PLCB1: variants seen among roughly 807,000 people sequenced by gnomAD.
PLCB1 encodes the protein phospholipase C beta 1.
In PLCB1, 46 loss-of-function variants were observed where a neutral mutation model predicts 161.8. The ratio of observed to expected loss-of-function variants is 0.28; its 90% confidence interval spans 0.22 to 0.36. PLCB1 has a LOEUF of 0.36. Among genes scored for constraint, PLCB1 ranks in the 10% least tolerant of loss-of-function variants. The probability of loss-of-function intolerance (pLI) is 1.00; values close to 1 mark genes in which losing one functional copy is unlikely to be tolerated. For missense variants in PLCB1, 1,016 were observed against 1,472.5 expected (o/e 0.69, Z 5.07); for synonymous variants, 517 against 503.7 (o/e 1.03, Z -0.35).
Position 8,305,752 on chromosome 20 carries a change from ATC to A in PLCB1, c.178-65626_178-65625del, listed in dbSNP as rs565818038. 233 of 152,320 alleles carry A rather than the reference ATC, an allele frequency of 1.5e-3. 1 individual carries two copies. Among genetic ancestry groups the A allele is most frequent in the African/African-American group, 5.5e-3 (229 of 41,572 alleles). 9.4% of individuals were successfully genotyped at this position (152,320 alleles called of 1,614,324 possible). A position where few individuals can be genotyped will look rare whatever the true frequency, so the allele number is the denominator to read the frequency against. On this transcript the variant is annotated intron_variant, in intron 2 of 31. Coordinates refer to ENST00000338037, the MANE Select transcript of PLCB1 (RefSeq NM_015192.4). ...AACCCCTATAAACCTTGCTATTTAT[ATC>A]TCTTCCTCAACTCTGAGGCCCTCAC...
intron 3 of PLCB1, among the ~76,000 whole-genome samples, chr20:8,611,692 G>GA (rs1987909343): frequency 6.6e-6 from 1 of 152,124 alleles, no homozygotes; most frequent in Non-Finnish European, 1.5e-5. Flanking sequence ...GACCGTGCAG[G>GA]AAACATTCAG....
At chr20:8,759,673 T>C (rs1020683553) in intron 24 of PLCB1, among the ~76,000 whole-genome samples, 1 of 151,996 alleles carries the variant, frequency 6.6e-6, no homozygotes, top group African/African-American at 2.4e-5. Flanking sequence ...GCTAATTTTA[T>C]ATTTTTAGTA....
At chr20:8,645,955 C>A in intron 4 of PLCB1, 147 bp from the exon 5 acceptor site, 1 of 545,228 alleles carries the variant, frequency 1.8e-6, no homozygotes, top group Non-Finnish European at 3.3e-6. Context: ...CATTTTTACC[C>A]AAAAAAGGGA....
rs1474063585 is a variant in PLCB1 at position 8,629,876 on chromosome 20, TC to T, written c.384+1446del. Among the ~76,000 whole-genome samples the T allele has an allele frequency of 2.5e-4, 16 of 65,210 alleles. No homozygotes were observed. The South Asian group carries it at 6.5e-3, about 26-fold the overall frequency. 42.8% of individuals were successfully genotyped at this position (65,210 alleles called of 152,430 possible). On this transcript the variant is annotated intron_variant, in intron 4 of 31. Coordinates refer to ENST00000338037, the MANE Select transcript of PLCB1 (RefSeq NM_015192.4). ...TTCTTTCTTTCTTTCTTTCTTTCTTTCTCTCTCTCTTTCTTTTCTTTCTTTC... is the reference window on the plus strand; with the variant it reads ...TTCTTTCTTTCTTTCTTTCTTTCTTTTCTCTCTCTTTCTTTTCTTTCTTTC...
chr20:8,333,657 A>C (rs974224914), intron 2 of PLCB1, among the ~76,000 whole-genome samples: 3 of 152,312 alleles, frequency 2.0e-5, no homozygotes, highest in African/African-American at 7.2e-5. Flanking sequence ...CCTAAAAAGC[A>C]TCTGGCCCAA....
chr20:8,729,250 G>A, intron 18 of PLCB1, 76 bp downstream of exon 18: 1 of 1,323,640 alleles, frequency 7.6e-7, no homozygotes, highest in Non-Finnish European at 1.0e-6. Context: ...ACATAATTGG[G>A]GGAGAGAAAA....
At chr20:8,312,697 C>T (rs902858780) in intron 2 of PLCB1, among the ~76,000 whole-genome samples, 5 of 152,126 alleles carry the variant, frequency 3.3e-5, no homozygotes, top group Admixed American at 2.0e-4. Flanking sequence ...AAAAGGGCAT[C>T]GTTTACACCC....
At chr20:8,264,911 C>A (rs1024752251) in intron 2 of PLCB1, among the ~76,000 whole-genome samples, 25 of 152,266 alleles carry the variant, frequency 1.6e-4, no homozygotes, top group African/African-American at 5.8e-4. Context: ...ATGTAGCAAT[C>A]CATGTAATCT....
intron 2 of PLCB1, among the ~76,000 whole-genome samples, chr20:8,209,651 A>T (rs1020495895): frequency 1.2e-4 from 19 of 152,278 alleles, no homozygotes; most frequent in African/African-American, 4.3e-4. Context: ...ATAATACAGA[A>T]GTATGTGAAA....
intron 3 of PLCB1, among the ~76,000 whole-genome samples, chr20:8,391,203 TG>T (rs572437347): frequency 1.1e-3 from 174 of 151,478 alleles, no homozygotes; most frequent in Non-Finnish European, 1.8e-3. Context: ...TTTATACTTT[TG>T]TAGCTGTGGC....
intron 2 of PLCB1, among the ~76,000 whole-genome samples, chr20:8,259,391 C>T (rs1170692804): frequency 4.6e-5 from 7 of 151,882 alleles, no homozygotes; most frequent in Non-Finnish European, 7.4e-5. Flanking sequence ...CTGAGGTAGG[C>T]GGATCACTTG....
chr20:8,251,134 T>C (rs1326852519), intron 2 of PLCB1, among the ~76,000 whole-genome samples: 2 of 151,926 alleles, frequency 1.3e-5, no homozygotes, highest in African/African-American at 4.8e-5. Flanking sequence ...TTGTCAGAAG[T>C]GCAAAGGGAC....
intron 4 of PLCB1, among the ~76,000 whole-genome samples, chr20:8,642,257 T>G (rs891974149): frequency 1.3e-5 from 2 of 152,206 alleles, no homozygotes; most frequent in Non-Finnish European, 2.9e-5. Context: ...CAGAATTTTT[T>G]CCAAAATTCT....
chr20:8,340,182 C>G (rs1285698231), intron 2 of PLCB1, among the ~76,000 whole-genome samples: 3 of 152,120 alleles, frequency 2.0e-5, no homozygotes, highest in African/African-American at 7.2e-5. Context: ...GAATTCCTGC[C>G]TAGGCCTCTG....
chr20:8,727,456 ATTTGGT>A, intron 17 of PLCB1, 63 bp downstream of exon 17: 1 of 941,762 alleles, frequency 1.1e-6, no homozygotes. Context: ...CTATTTGTTC[ATTTGGT>A]TTTTTAATAA....
chr20:8,776,708 C>G (rs1338773957), intron 27 of PLCB1, among the ~76,000 whole-genome samples: 2 of 152,054 alleles, frequency 1.3e-5, no homozygotes, highest in African/African-American at 2.4e-5. Context: ...TATTAGACAC[C>G]TGCTTGTTAA....
intron 3 of PLCB1, among the ~76,000 whole-genome samples, chr20:8,394,701 A>G (rs1477688691): frequency 1.3e-5 from 2 of 152,196 alleles, no homozygotes; most frequent in African/African-American, 4.8e-5. Flanking sequence ...ACTATAGGCC[A>G]TTAGTGCATA....
intron 9 of PLCB1, among the ~76,000 whole-genome samples, chr20:8,679,340 A>G (rs1453776074): frequency 6.6e-6 from 1 of 152,222 alleles, no homozygotes; most frequent in Non-Finnish European, 1.5e-5. Flanking sequence ...CTTCTAGACC[A>G]TTCTTCCTTT....
chr20:8,813,475 G>C (rs959480041), intron 31 of PLCB1, among the ~76,000 whole-genome samples: 1 of 152,034 alleles, frequency 6.6e-6, no homozygotes, highest in African/African-American at 2.4e-5. Flanking sequence ...ACTCAAAGAA[G>C]ACCCAACCAT....
Sources: allele counts gnomAD v4.1 joint callset (sites outside exome capture counted in the v4.1 genomes callset), GRCh38; gene constraint gnomAD v4.1.1; transcripts MANE v1.5; gene names NCBI Gene and HGNC (gene_info 2026-07-23, HGNC 2026-07-21).